SOX13: variants seen among roughly 807,000 people sequenced by gnomAD.
SOX13 encodes the protein transcription factor SOX-13.
Under a neutral mutation model 71.8 loss-of-function variants are expected in SOX13, and 28 were observed. The observed-to-expected ratio is 0.39, with a 90% CI of 0.29 to 0.53. The LOEUF is 0.53. Among genes scored for constraint, SOX13 ranks in the 20% least tolerant of loss-of-function variants. SOX13 has a pLI of 0.70. For missense variants in SOX13, 627 were observed against 810.3 expected (o/e 0.77, Z 2.75); for synonymous variants, 309 against 317.8 (o/e 0.97, Z 0.29).
intron 1 of SOX13, among the ~76,000 whole-genome samples, chr1:204,084,293 A>G (rs917614806): frequency 1.3e-5 from 2 of 152,194 alleles, no homozygotes; most frequent in Non-Finnish European, 2.9e-5. Flanking sequence ...CCAAGCTGCC[A>G]GGGGATTGAA....
chr1:204,109,379 C>G (rs781002743), intron 1 of SOX13, among the ~76,000 whole-genome samples: 1 of 152,220 alleles, frequency 6.6e-6, no homozygotes, highest in Non-Finnish European at 1.5e-5. Context: ...GACAGTGGTC[C>G]TGCAAGATTC....
chr1:204,084,598 G>GGGAGGCCACA (rs1197430598), intron 1 of SOX13, among the ~76,000 whole-genome samples: 9 of 152,150 alleles, frequency 5.9e-5, no homozygotes, highest in Non-Finnish European at 1.2e-4. Context: ...TCAGCCGGGA[G>GGGAGGCCACA]GGAGGCCACA....
At chr1:204,087,658 A>C (rs1424325886) in intron 1 of SOX13, among the ~76,000 whole-genome samples, 1 of 152,194 alleles carries the variant, frequency 6.6e-6, no homozygotes, top group Non-Finnish European at 1.5e-5. Context: ...GAGCATTTTG[A>C]GTTCTCTTGC....
chr1:204,103,925 C>T (rs779295820), intron 1 of SOX13, among the ~76,000 whole-genome samples: 4 of 152,184 alleles, frequency 2.6e-5, no homozygotes, highest in Non-Finnish European at 4.4e-5. Context: ...GCCTCAATGG[C>T]GCTTTCAAGC....
intron 7 of SOX13, 50 bp downstream of exon 7, chr1:204,117,757 T>A: frequency 2.3e-6 from 3 of 1,283,790 alleles, no homozygotes; most frequent in Non-Finnish European, 3.3e-6. Context: ...TGTCCTGAGG[T>A]CAGGGAAAGC....
chr1:204,107,217 A>G (rs921552634), intron 1 of SOX13, among the ~76,000 whole-genome samples: 1 of 152,200 alleles, frequency 6.6e-6, no homozygotes, highest in Non-Finnish European at 1.5e-5. Context: ...GGATGAGGAG[A>G]CAGGCTAAGG....
intron 7 of SOX13, among the ~76,000 whole-genome samples, chr1:204,120,963 G>C (rs928495184): frequency 6.7e-6 from 1 of 150,296 alleles, no homozygotes; most frequent in Non-Finnish European, 1.5e-5. Context: ...TATTTTTTTA[G>C]TTTTGAAAAT....
At chr1:204,079,020 C>G (rs561610325) in intron 1 of SOX13, among the ~76,000 whole-genome samples, 9 of 152,286 alleles carry the variant, frequency 5.9e-5, no homozygotes, top group East Asian at 3.9e-4. Context: ...ATTTCTGGGC[C>G]GGGCACGGTG....
rs1408500813 is a variant in SOX13 at position 204,123,978 on chromosome 1, T to C, written c.1375+174T>C. On this transcript the variant is annotated intron_variant, in intron 12 of 13. Transcript: ENST00000367204. This position sits in a 1 kb window ranked among gnomAD's most constrained non-coding sequence, Gnocchi z 5.0. ...AGGGCAGCTGGGTCCTGGGGTCTTA[T>C]ATCACTGAAGTGTTCGGTAGCACCT... Among the ~76,000 whole-genome samples the C allele has an allele frequency of 4.0e-5, 6 of 151,634 alleles. No individual in the cohort carries two copies. The highest frequency in any genetic ancestry group is 1.5e-4 in the African/African-American group (6 of 41,362).
intron 1 of SOX13, among the ~76,000 whole-genome samples, chr1:204,079,971 C>T (rs1655868398): frequency 6.6e-6 from 1 of 152,166 alleles, no homozygotes; most frequent in Non-Finnish European, 1.5e-5. Flanking sequence ...CCTGGGTGTG[C>T]ACAGGGTGTG....
intron 1 of SOX13, among the ~76,000 whole-genome samples, chr1:204,088,454 A>G (rs1420085215): frequency 6.6e-6 from 1 of 152,178 alleles, no homozygotes; most frequent in African/African-American, 2.4e-5. Context: ...CCATATTTAC[A>G]TGGCATTTGC....
intron 1 of SOX13, among the ~76,000 whole-genome samples, chr1:204,078,849 G>A (rs1655837009): frequency 6.6e-6 from 1 of 152,220 alleles, no homozygotes; most frequent in African/African-American, 2.4e-5. Context: ...TCCGACCTCT[G>A]TCAGCTTCTC....
In SOX13 at chr1:204,073,608, T is replaced by A. The variant is rs1402658401; in HGVS notation, c.-105T>A. 6.6e-6 allele frequency: 1 copy of A among 151,076 alleles called. No individual in the cohort carries two copies. The highest frequency in any genetic ancestry group is 2.0e-4 in the East Asian group (1 of 5,012). The allele number at this position is 151,076 out of a possible 1,614,324, so 9.4% of individuals were successfully genotyped here. ...GCCCGCCCGCCGCGTCGCGGGGGCATGTGAGCGGGAAGCCTAGGCTGCCAG... is the reference window on the plus strand; with the variant it reads ...GCCCGCCCGCCGCGTCGCGGGGGCAAGTGAGCGGGAAGCCTAGGCTGCCAG... On this transcript the variant is annotated 5_prime_UTR_variant, in exon 1 of 14. An upstream start codon of the reference 5' UTR is lost. Transcript: ENST00000367204. This position sits in a 1 kb window ranked among gnomAD's most constrained non-coding sequence, Gnocchi z 6.8.
At chr1:204,090,408 C>CTTTTTT (rs67694415) in intron 1 of SOX13, among the ~76,000 whole-genome samples, 3 of 118,560 alleles carry the variant, frequency 2.5e-5, no homozygotes, top group Non-Finnish European at 3.6e-5. Context: ...TCTTCTTCTT[C>CTTTTTT]TTTTTTTTTT....
rs771568559 is a variant in SOX13 at position 204,114,377 on chromosome 1, G to A, written c.276G>A (p.Ser92=). The A allele has an allele frequency of 6.5e-5, 105 of 1,612,156 alleles. No individual in the cohort carries two copies. The highest frequency in any genetic ancestry group is 7.6e-5 in the Non-Finnish European group (90 of 1,179,222). Residue 92 remains serine (S), a synonymous_variant, in exon 3 of 14, where the codon TCG becomes TCA. Coordinates refer to ENST00000367204, the MANE Select transcript of SOX13 (RefSeq NM_005686.3). ...GSPEPKRPGV[S]EAASGSQEKL... The stretch of plus-strand genomic sequence containing the variant: ...CAGAACCCAAGAGACCAGGAGTGTC[G>A]GAGGCTGCCTCTGGAAGCCAGGAGA...
chr1:204,085,448 C>T (rs1655996783), intron 1 of SOX13, among the ~76,000 whole-genome samples: 2 of 152,130 alleles, frequency 1.3e-5, no homozygotes, highest in Non-Finnish European at 2.9e-5. Context: ...ATTAAGGGCT[C>T]AAATCTAGCC....
chr1:204,127,555 TTC>T lies in SOX13; in HGVS notation c.*1426_*1427del, dbSNP rs1656945958. 1 of 152,698 alleles carries T rather than the reference TTC, an allele frequency of 6.5e-6. No individual in the cohort carries two copies. Among genetic ancestry groups the T allele is most frequent in the Admixed American group, 6.5e-5 (1 of 15,284 alleles). The allele number at this position is 152,698 out of a possible 1,614,324, so 9.5% of individuals were successfully genotyped here. A position where few individuals can be genotyped will look rare whatever the true frequency, so the allele number is the denominator to read the frequency against. ...TGTGGAGTCTGTGTCTGCCCCCGTCTTCTCTCCATCCTCAAAGCCCCCACTTC... is the reference window on the plus strand; with the variant it reads ...TGTGGAGTCTGTGTCTGCCCCCGTCTTCTCCATCCTCAAAGCCCCCACTTC... On this transcript the variant is annotated 3_prime_UTR_variant, in exon 14 of 14. Coordinates refer to ENST00000367204, the MANE Select transcript of SOX13 (RefSeq NM_005686.3).
At position 204,124,720 on chromosome 1, in the gene SOX13, G is replaced by A. The variant is rs201969826; in HGVS notation, c.1455G>A (p.Leu485=). 11 of 1,613,212 alleles carry A rather than the reference G, an allele frequency of 6.8e-6. No individual in the cohort carries two copies. The South Asian group carries it at 9.9e-5, about 15-fold the overall frequency. ...EEQARLSRQH[L]EKYPDYKYKP... ...AGGCGCGGCTGAGCCGGCAGCACCT[G>A]GAGAAGTATCCTGACTACAAGTACA... is the stretch of plus-strand genomic sequence containing the variant. The change falls in exon 13 of 14, where the codon CTG becomes CTA. Residue 485 remains leucine (L), a synonymous_variant. Coordinates refer to ENST00000367204, the MANE Select transcript of SOX13 (RefSeq NM_005686.3).
intron 1 of SOX13, among the ~76,000 whole-genome samples, chr1:204,087,087 C>A (rs188091222): frequency 1.3e-5 from 2 of 152,156 alleles, no homozygotes; most frequent in Non-Finnish European, 2.9e-5. Context: ...CCAGGCCCGG[C>A]TAATTTTTGT....
Sources: gnomAD v4.1 joint callset for allele counts (sites outside exome capture counted in the v4.1 genomes callset) on GRCh38, gnomAD v4.1.1 for gene constraint, Gnocchi (gnomAD v3.1) non-coding constraint, MANE v1.5 for transcripts, NCBI Gene and HGNC (gene_info 2026-07-23, HGNC 2026-07-21) for gene names.